DIS3: variants seen among roughly 807,000 people sequenced by gnomAD.
The protein encoded by DIS3 is exosome complex exonuclease RRP44.
A neutral mutation model predicts 113.0 loss-of-function variants in DIS3; 103 were observed. The ratio of observed to expected loss-of-function variants is 0.91; its 90% CI spans 0.78 to 1.07. The LOEUF (loss-of-function observed/expected upper bound fraction) is 1.07, where lower values mean the gene tolerates loss of function less well. Ranked by LOEUF, DIS3 falls within the 50% of genes least tolerant of loss-of-function variation. The probability of loss-of-function intolerance (pLI) is 0.00; values close to 1 mark genes in which losing one functional copy is unlikely to be tolerated. For synonymous variants in DIS3, 402 were observed against 394.3 expected (o/e 1.02, Z -0.23); for missense variants, 1,121 against 1,167.1 (o/e 0.96, Z 0.58).
At chr13:72,774,147 A>T (rs1176631388) in intron 6 of DIS3, 88 bp from the exon 7 acceptor site, 10 of 757,594 alleles carry the variant, frequency 1.3e-5, no homozygotes, top group Admixed American at 2.8e-5. Context: ...ATACATGGAT[A>T]CTAATCCATT....
chr13:72,779,123 C>CTTTTTTT (rs563966682), intron 2 of DIS3, among the ~76,000 whole-genome samples: 1 of 140,230 alleles, frequency 7.1e-6, no homozygotes. Flanking sequence ...CTTGCTAATG[C>CTTTTTTT]TTTTTTTTTT....
Position 72,763,610 on chromosome 13 carries a change from G to T in DIS3, c.1971-3C>A, listed in dbSNP as rs1364163704. Reference sequence around the variant, plus strand: ...CTTCAACCATGGAATTTGTTTCCCTGCCAATGGAAAAAGCATTAAACAAAC... The same window carrying T: ...CTTCAACCATGGAATTTGTTTCCCTTCCAATGGAAAAAGCATTAAACAAAC... On this transcript the variant is annotated splice_polypyrimidine_tract_variant and splice_region_variant and intron_variant, in intron 15 of 20. Coordinates refer to ENST00000377767, the MANE Select transcript of DIS3 (RefSeq NM_014953.5). 5.6e-6 allele frequency: 9 copies of T among 1,607,140 alleles called. No individual in the cohort carries two copies. The African/African-American group carries it at 1.2e-4, about 22-fold the overall frequency.
rs757734448 is a variant in DIS3 at position 72,781,012 on chromosome 13, AAGAT to A, written c.229-13_229-10del. On this transcript the variant is annotated splice_polypyrimidine_tract_variant and intron_variant, in intron 1 of 20. Transcript: ENST00000377767. ...TCCTCAAGAACATCAATCTTAAAGAAAGATAAAGTTAATTTTTCCTATATTCATT... is the reference window on the plus strand; with the variant it reads ...TCCTCAAGAACATCAATCTTAAAGAAAAAGTTAATTTTTCCTATATTCATT... The A allele has an allele frequency of 6.3e-7, 1 of 1,588,310 alleles. No individual in the cohort carries two copies. Among genetic ancestry groups the A allele is most frequent in the Non-Finnish European group, 8.5e-7 (1 of 1,171,422 alleles).
At position 72,766,058 on chromosome 13, in the gene DIS3, C is replaced by A; in HGVS notation, c.1884G>T (p.Gly628=). Residue 628 remains glycine, a splice_region_variant and synonymous_variant, in exon 15 of 21, where the codon GGG becomes GGT. Transcript: ENST00000377767. ...KILKKRRIEK[G]ALTLSSPEVR... is the part of the protein sequence containing the mutation. ...CTTCAGGAGAGGATAGAGTCAAAGC[C>A]CTACATAAAAATTAAAGAGAAAAAT... 1 of 1,595,000 alleles carries A rather than the reference C, an allele frequency of 6.3e-7. No homozygotes were observed. Among genetic ancestry groups the A allele is most frequent in the Non-Finnish European group, 8.5e-7 (1 of 1,171,326 alleles).
chr13:72,772,324 T>G (rs1015357878), intron 9 of DIS3, 49 bp from the exon 10 acceptor site: 3 of 1,343,906 alleles, frequency 2.2e-6, no homozygotes, highest in Non-Finnish European at 3.1e-6. Context: ...AAAGCACAAC[T>G]ACAACATATT....
chr13:72,781,171 C>T (rs1013161144), intron 1 of DIS3, 168 bp from the exon 2 acceptor site: 3 of 1,385,570 alleles, frequency 2.2e-6, no homozygotes, highest in Admixed American at 2.0e-5. Flanking sequence ...GTCACTAAAC[C>T]CTTCAGATCT....
rs1279852241 is a variant in DIS3 at position 72,758,284 on chromosome 13, G to C, written c.*1511C>G. The C allele has an allele frequency of 1.1e-5, 2 of 181,884 alleles. No individual in the cohort carries two copies. The highest frequency in any genetic ancestry group is 2.3e-5 in the Non-Finnish European group (2 of 85,256). The allele number at this position is 181,884 out of a possible 1,614,324, so 11.3% of individuals were successfully genotyped here. A position where few individuals can be genotyped will look rare whatever the true frequency, so the allele number is the denominator to read the frequency against. Reference sequence around the variant, plus strand: ...CATAGGGTATACCATCTAGGTTTGTGTAACTACATCATGATTTTCACACAA... The same window carrying C: ...CATAGGGTATACCATCTAGGTTTGTCTAACTACATCATGATTTTCACACAA... On this transcript the variant is annotated 3_prime_UTR_variant, in exon 21 of 21. Coordinates refer to ENST00000377767, the MANE Select transcript of DIS3 (RefSeq NM_014953.5).
rs960398717 is a variant in DIS3 at position 72,755,451 on chromosome 13, A to G, written c.*4344T>C. 9.9e-5 allele frequency: 49 copies of G among 493,020 alleles called. No homozygotes were observed. The highest frequency in any genetic ancestry group is 9.1e-4 in the African/African-American group (47 of 51,582). The allele number at this position is 493,020 out of a possible 1,614,324, so 30.5% of individuals were successfully genotyped here. A position where few individuals can be genotyped will look rare whatever the true frequency, so the allele number is the denominator to read the frequency against. On this transcript the variant is annotated 3_prime_UTR_variant, in exon 21 of 21. Coordinates refer to ENST00000377767, the MANE Select transcript of DIS3 (RefSeq NM_014953.5). ...TATCAATAAATATTTTTATACTTAC[A>G]TTGAGTGATGTGTTTAACAACAAAT...
At chr13:72,760,907 C>T (rs979148132) in intron 19 of DIS3, among the ~76,000 whole-genome samples, 1 of 151,994 alleles carries the variant, frequency 6.6e-6, no homozygotes, top group Non-Finnish European at 1.5e-5. Context: ...AATCACCCCA[C>T]TAATAAATAG....
intron 4 of DIS3, among the ~76,000 whole-genome samples, chr13:72,777,154 T>TC (rs1246609134): frequency 7.2e-5 from 11 of 152,332 alleles, no homozygotes; most frequent in African/African-American, 2.6e-4. Context: ...AGCCATGGAC[T>TC]CCGTTCATTT....
Position 72,753,562 on chromosome 13 carries a change from C to A in DIS3, c.*6233G>T. ...TTGTGCATTACTTTTGAATTTTGTT[C>A]AACATGATCAATATTACATGTTAGG... On this transcript the variant is annotated 3_prime_UTR_variant, in exon 21 of 21. Transcript: ENST00000377767. 1 of 973,302 alleles carries A rather than the reference C, an allele frequency of 1.0e-6. No homozygotes were observed. The highest frequency in any genetic ancestry group is 1.5e-6 in the Non-Finnish European group (1 of 666,948). The allele number at this position is 973,302 out of a possible 1,614,324, so 60.3% of individuals were successfully genotyped here.
rs2033339501 is a variant in DIS3 at position 72,753,552 on chromosome 13, G to T, written c.*6243C>A. 7 of 869,726 alleles carry T rather than the reference G, an allele frequency of 8.0e-6. No individual in the cohort carries two copies. Among genetic ancestry groups the T allele is most frequent in the South Asian group, 1.9e-5 (1 of 51,694 alleles). 53.9% of individuals were successfully genotyped at this position (869,726 alleles called of 1,614,324 possible). A position where few individuals can be genotyped will look rare whatever the true frequency, so the allele number is the denominator to read the frequency against. ...CCTTTTATATTTGTGCATTACTTTT[G>T]AATTTTGTTCAACATGATCAATATT... On this transcript the variant is annotated 3_prime_UTR_variant, in exon 21 of 21. Coordinates refer to ENST00000377767, the MANE Select transcript of DIS3 (RefSeq NM_014953.5).
At chr13:72,780,810 G>C in intron 2 of DIS3, 36 bp downstream of exon 2, 1 of 1,561,004 alleles carries the variant, frequency 6.4e-7, no homozygotes, top group Middle Eastern at 1.7e-4. Context: ...TGCTAATCCT[G>C]TGGTTTTCTG....
rs2034100652 is a variant in DIS3 at position 72,779,445 on chromosome 13, G to T, written c.387-1065C>A. On this transcript the variant is annotated intron_variant, in intron 2 of 20. Coordinates refer to ENST00000377767, the MANE Select transcript of DIS3 (RefSeq NM_014953.5). ...TAATGTTTTAAGCTCATCAGTGAAA[G>T]ACACAGTCATAAATTTTTGAATTGG... Among the ~76,000 whole-genome samples the T allele has an allele frequency of 1.3e-5, 2 of 152,076 alleles. 1 individual carries two copies. Among genetic ancestry groups the T allele is most frequent in the South Asian group, 4.1e-4 (2 of 4,828 alleles).
rs962081943 is a variant in DIS3 at position 72,755,321 on chromosome 13, A to G, written c.*4474T>C. 8 of 910,850 alleles carry G rather than the reference A, an allele frequency of 8.8e-6. No individual in the cohort carries two copies. The highest frequency in any genetic ancestry group is 1.4e-5 in the Non-Finnish European group (8 of 585,054). The allele number at this position is 910,850 out of a possible 1,614,324, so 56.4% of individuals were successfully genotyped here. On this transcript the variant is annotated 3_prime_UTR_variant, in exon 21 of 21. Transcript: ENST00000377767. ...CTGGGAAAAAATTACTTCAAGTAAC[A>G]TGCTTAGCTTTCCCTCCTTAATGTG...
rs1054195230 is a variant in DIS3 at position 72,752,376 on chromosome 13, A to G, written c.*7419T>C. On this transcript the variant is annotated 3_prime_UTR_variant, in exon 21 of 21. Transcript: ENST00000377767. ...TAGGCATTGACATTAGCAGAAGTCT[A>G]GATGAGAGACAGTGAAGTCAGCCAC... 27 of 152,088 alleles carry G rather than the reference A, an allele frequency of 1.8e-4. No individual in the cohort carries two copies. The highest frequency in any genetic ancestry group is 6.3e-4 in the African/African-American group (26 of 41,428). The allele number at this position is 152,088 out of a possible 1,614,324, so 9.4% of individuals were successfully genotyped here. A position where few individuals can be genotyped will look rare whatever the true frequency, so the allele number is the denominator to read the frequency against.
chr13:72,758,658 C>T lies in DIS3; in HGVS notation c.*1137G>A, dbSNP rs1301653944. ...TTCTGCCTCAGTGTATGGAGGTTTT[C>T]CTCAGTAATAGGAAACTGGAAAAAT... On this transcript the variant is annotated 3_prime_UTR_variant, in exon 21 of 21. Transcript: ENST00000377767. The T allele has an allele frequency of 4.6e-6, 1 of 218,218 alleles. No homozygotes were observed. Among genetic ancestry groups the T allele is most frequent in the Non-Finnish European group, 9.2e-6 (1 of 108,570 alleles). The allele number at this position is 218,218 out of a possible 1,614,324, so 13.5% of individuals were successfully genotyped here.
At position 72,757,341 on chromosome 13, in the gene DIS3, C is replaced by T. The variant is rs2033507209; in HGVS notation, c.*2454G>A. The T allele has an allele frequency of 6.6e-6, 1 of 152,372 alleles. No individual in the cohort carries two copies. The highest frequency in any genetic ancestry group is 2.4e-5 in the African/African-American group (1 of 41,210). The allele number at this position is 152,372 out of a possible 1,614,324, so 9.4% of individuals were successfully genotyped here. On this transcript the variant is annotated 3_prime_UTR_variant, in exon 21 of 21. Transcript: ENST00000377767. ...CTTGGCTCACTGCAACCTCTGCCTC[C>T]CAGGTTCAAGCGATTCTCCTGCCTC... is the stretch of plus-strand genomic sequence containing the variant.
intron 16 of DIS3, 109 bp from the exon 17 acceptor site, chr13:72,762,246 T>C: frequency 9.9e-7 from 1 of 1,006,304 alleles, no homozygotes. Context: ...GTTTTTGTTA[T>C]TTTCCTTCCC....
Sources: allele counts gnomAD v4.1 joint callset (sites outside exome capture counted in the v4.1 genomes callset), GRCh38; gene constraint gnomAD v4.1.1; transcripts MANE v1.5; gene names NCBI Gene and HGNC (gene_info 2026-07-23, HGNC 2026-07-21).